ORAI2: variants seen among roughly 807,000 people sequenced by gnomAD.
ORAI2 encodes the protein ORAI calcium release-activated calcium modulator 2.
Under a neutral mutation model 16.2 loss-of-function variants are expected in ORAI2, and 10 were observed. That is an observed-to-expected ratio of 0.62 (90% confidence interval 0.38 to 1.04). The LOEUF is 1.04. ORAI2 is among the 50% of genes least tolerant of loss of function. The pLI is 0.01. For synonymous variants in ORAI2, 150 were observed against 157.5 expected (o/e 0.95, Z 0.35); for missense variants, 238 against 355.5 (o/e 0.67, Z 2.66).
intron 3 of ORAI2, among the ~76,000 whole-genome samples, chr7:102,440,477 C>CA (rs1408207669): frequency 2.0e-5 from 3 of 152,176 alleles, no homozygotes; most frequent in African/African-American, 7.2e-5. Context: ...TAAGGACTCA[C>CA]AGTGAGGACA....
At chr7:102,443,116 CTTCTTCTTCTTCTTCTT>C (rs565359426) in intron 3 of ORAI2, among the ~76,000 whole-genome samples, 27,968 of 136,256 alleles carry the variant, frequency 0.21, 3,392 homozygotes, top group East Asian at 0.34. Flanking sequence ...TCTTCTTCTT[CTTCTTCTTCTTCTTCTT>C]TTTTTTTTTT....
chr7:102,442,868 A>C (rs1459711268), intron 3 of ORAI2, among the ~76,000 whole-genome samples: 3 of 150,532 alleles, frequency 2.0e-5, no homozygotes, highest in Non-Finnish European at 4.4e-5. Context: ...AAAAAAAAAA[A>C]AAAACATTAG....
rs1586720588 is a variant in ORAI2, at chr7:102,450,045, A to G, written c.*2993A>G. On this transcript the variant is annotated 3_prime_UTR_variant, in exon 4 of 4. Transcript: ENST00000495936. Reference sequence around the variant, plus strand: ...GAGGCTGAGGCAGGAGAATCACTTGAACCCAGAAGGCAGAGGTAGCAGTGA... The same window carrying G: ...GAGGCTGAGGCAGGAGAATCACTTGGACCCAGAAGGCAGAGGTAGCAGTGA... The G allele has an allele frequency of 6.6e-6, 1 of 152,204 alleles. No individual in the cohort carries two copies. The highest frequency in any genetic ancestry group is 1.5e-5 in the Non-Finnish European group (1 of 68,084). The allele number at this position is 152,204 out of a possible 1,614,324, so 9.4% of individuals were successfully genotyped here.
intron 1 of ORAI2, among the ~76,000 whole-genome samples, chr7:102,435,163 C>T (rs1201295942): frequency 1.3e-5 from 2 of 152,062 alleles, no homozygotes; most frequent in East Asian, 1.9e-4. Flanking sequence ...CCCAGCTACT[C>T]GGGTGGTTGA....
rs1797655838 is a variant in ORAI2 at position 102,456,608 on chromosome 7, C to T, written c.*9556C>T. The T allele has an allele frequency of 6.6e-6, 1 of 152,144 alleles. No homozygotes were observed. The highest frequency in any genetic ancestry group is 1.5e-5 in the Non-Finnish European group (1 of 68,042). The allele number at this position is 152,144 out of a possible 1,614,324, so 9.4% of individuals were successfully genotyped here. A position where few individuals can be genotyped will look rare whatever the true frequency, so the allele number is the denominator to read the frequency against. On this transcript the variant is annotated 3_prime_UTR_variant, in exon 4 of 4. Transcript: ENST00000495936. ...GGAAGGAGGCTCTCAGATTTCCCTGCCCTCCTCACATCCCCCAACCCTCCC... is the reference window on the plus strand; with the variant it reads ...GGAAGGAGGCTCTCAGATTTCCCTGTCCTCCTCACATCCCCCAACCCTCCC...
At chr7:102,437,958 A>G (rs144573327) in intron 2 of ORAI2, among the ~76,000 whole-genome samples, 158 of 152,250 alleles carry the variant, frequency 1.0e-3, no homozygotes, top group African/African-American at 3.2e-3. Context: ...CTGAGGCAGA[A>G]GCTTCCCTTG....
Position 102,447,085 on chromosome 7 carries a change from T to C in ORAI2, c.*33T>C. Reference sequence around the variant, plus strand: ...AGGGCCGGGGCTGGGAGCGGCCCTGTGCCCGGGAGTCCGCAGAGGCGGGGA... The same window carrying C: ...AGGGCCGGGGCTGGGAGCGGCCCTGCGCCCGGGAGTCCGCAGAGGCGGGGA... On this transcript the variant is annotated 3_prime_UTR_variant, in exon 4 of 4. Transcript: ENST00000495936. The C allele has an allele frequency of 6.7e-7, 1 of 1,485,860 alleles. No individual in the cohort carries two copies. Among genetic ancestry groups the C allele is most frequent in the East Asian group, 2.5e-5 (1 of 40,518 alleles). 92.0% of individuals were successfully genotyped at this position (1,485,860 alleles called of 1,614,324 possible).
chr7:102,448,996 T>TG lies in ORAI2; in HGVS notation c.*1948dup, dbSNP rs1356842499. 3 of 152,320 alleles carry TG rather than the reference T, an allele frequency of 2.0e-5. No homozygotes were observed. The highest frequency in any genetic ancestry group is 7.2e-5 in the African/African-American group (3 of 41,416). 9.4% of individuals were successfully genotyped at this position (152,320 alleles called of 1,614,324 possible). A position where few individuals can be genotyped will look rare whatever the true frequency, so the allele number is the denominator to read the frequency against. ...GCCGTGGAATTCTGGGTGGCCTGGCTGGGGTCTCTGGAAATGTGGCTGCAG... is the reference window on the plus strand; with the variant it reads ...GCCGTGGAATTCTGGGTGGCCTGGCTGGGGGTCTCTGGAAATGTGGCTGCAG... On this transcript the variant is annotated 3_prime_UTR_variant, in exon 4 of 4. Transcript: ENST00000495936.
At chr7:102,439,896 A>G (rs1797151824) in intron 3 of ORAI2, among the ~76,000 whole-genome samples, 3 of 152,044 alleles carry the variant, frequency 2.0e-5, no homozygotes, top group Non-Finnish European at 4.4e-5. Flanking sequence ...CCTGGCCAAC[A>G]TGGTGAAACA....
At chr7:102,446,231 G>A (rs955531783) in intron 3 of ORAI2, among the ~76,000 whole-genome samples, 5 of 152,262 alleles carry the variant, frequency 3.3e-5, no homozygotes, top group Non-Finnish European at 5.9e-5. Flanking sequence ...TTATAGGCGT[G>A]AGCGACCACG....
rs1380574411 is a variant in ORAI2 at position 102,446,993 on chromosome 7, G to T, written c.706G>T (p.Glu236Ter). 1 of 1,589,868 alleles carries T rather than the reference G, an allele frequency of 6.3e-7. No individual in the cohort carries two copies. The highest frequency in any genetic ancestry group is 8.5e-7 in the Non-Finnish European group (1 of 1,170,694). Reference sequence around the variant, plus strand: ...GGAGCGCCACAACCGCGAGATCGAGGAGCTCCACAAGCTCAAGGTCCAGCT... The same window carrying T: ...GGAGCGCCACAACCGCGAGATCGAGTAGCTCCACAAGCTCAAGGTCCAGCT... ...KTERHNREIE[E>*]LHKLKVQLDG... The change falls in exon 4 of 4, where the codon GAG becomes TAG. Residue 236 changes from glutamate (E) to a stop codon, truncating the protein, a stop_gained. Coordinates refer to ENST00000495936, the MANE Select transcript of ORAI2 (RefSeq NM_001126340.3). LOFTEE classifies it high-confidence loss of function.
Position 102,451,395 on chromosome 7 carries a change from C to T in ORAI2, c.*4343C>T, listed in dbSNP as rs898147650. On this transcript the variant is annotated 3_prime_UTR_variant, in exon 4 of 4. Coordinates refer to ENST00000495936, the MANE Select transcript of ORAI2 (RefSeq NM_001126340.3). ...GTTTCTGGTTTAGAAACTTGGAAGG[C>T]GGAATGTGTTTTCGTGTCTTCTAGG... The T allele has an allele frequency of 2.0e-5, 3 of 152,120 alleles. No homozygotes were observed. Among genetic ancestry groups the T allele is most frequent in the South Asian group, 2.1e-4 (1 of 4,808 alleles). The allele number at this position is 152,120 out of a possible 1,614,324, so 9.4% of individuals were successfully genotyped here.
At chr7:102,442,085 A>G (rs1396242963) in intron 3 of ORAI2, among the ~76,000 whole-genome samples, 2 of 152,052 alleles carry the variant, frequency 1.3e-5, no homozygotes, top group African/African-American at 4.8e-5. Flanking sequence ...TCTTCCCCCA[A>G]CACAGAGAAC....
intron 3 of ORAI2, among the ~76,000 whole-genome samples, chr7:102,443,542 G>A (rs1563636873): frequency 6.6e-6 from 1 of 151,670 alleles, no homozygotes; most frequent in Non-Finnish European, 1.5e-5. Context: ...TTTGTCACTT[G>A]GGCCATTTCC....
chr7:102,441,328 T>A (rs1226943436), intron 3 of ORAI2, among the ~76,000 whole-genome samples: 1 of 148,950 alleles, frequency 6.7e-6, no homozygotes, highest in Non-Finnish European at 1.5e-5. Flanking sequence ...GATCACCTGG[T>A]CAGGAGTTCG....
chr7:102,436,372 TC>T, intron 2 of ORAI2, 39 bp downstream of exon 2: 1 of 984,132 alleles, frequency 1.0e-6, no homozygotes, highest in Non-Finnish European at 1.2e-6. Flanking sequence ...ACAGAACTGT[TC>T]CCAGAGGTCT....
Position 102,451,400 on chromosome 7 carries a change from T to A in ORAI2, c.*4348T>A, listed in dbSNP as rs1195985193. The A allele has an allele frequency of 6.6e-6, 1 of 152,066 alleles. No homozygotes were observed. Among genetic ancestry groups the A allele is most frequent in the Non-Finnish European group, 1.5e-5 (1 of 68,040 alleles). 9.4% of individuals were successfully genotyped at this position (152,066 alleles called of 1,614,324 possible). A position where few individuals can be genotyped will look rare whatever the true frequency, so the allele number is the denominator to read the frequency against. On this transcript the variant is annotated 3_prime_UTR_variant, in exon 4 of 4. Transcript: ENST00000495936. ...TGGTTTAGAAACTTGGAAGGCGGAA[T>A]GTGTTTTCGTGTCTTCTAGGAAGGG... is the stretch of plus-strand genomic sequence containing the variant.
At chr7:102,441,497 T>A in intron 3 of ORAI2, among the ~76,000 whole-genome samples, 1 of 134,652 alleles carries the variant, frequency 7.4e-6, no homozygotes, top group Non-Finnish European at 1.5e-5. Flanking sequence ...CGAGATTGCA[T>A]CACTGCACTC....
At chr7:102,442,455 G>C (rs902954570) in intron 3 of ORAI2, among the ~76,000 whole-genome samples, 2 of 152,166 alleles carry the variant, frequency 1.3e-5, no homozygotes, top group African/African-American at 4.8e-5. Context: ...TTGGGAGGCC[G>C]AGGCGGGCAG....
Sources: gnomAD v4.1 joint callset for allele counts (sites outside exome capture counted in the v4.1 genomes callset) on GRCh38, gnomAD v4.1.1 for gene constraint, MANE v1.5 for transcripts, NCBI Gene and HGNC (gene_info 2026-07-23, HGNC 2026-07-21) for gene names.